SCN4A: variants seen among roughly 807,000 people sequenced by gnomAD.
The protein encoded by SCN4A is sodium channel protein type 4 subunit alpha.
In SCN4A, 83 loss-of-function variants were observed where a neutral mutation model predicts 162.0. The observed-to-expected ratio is 0.51, with a 90% CI of 0.43 to 0.61. The LOEUF (loss-of-function observed/expected upper bound fraction) is 0.61. SCN4A is among the 20% of genes least tolerant of loss of function. SCN4A has a pLI of 0.00. For missense variants in SCN4A, 2,196 were observed against 2,462.5 expected, an observed-to-expected ratio of 0.89 and a Z score of 2.29; for synonymous variants, 944 against 985.1, an observed-to-expected ratio of 0.96 and a Z score of 0.78.
chr17:63,971,387 C>G, intron 4 of SCN4A, 134 bp from the exon 5 acceptor site: 1 of 660,922 alleles, frequency 1.5e-6, no homozygotes, highest in Non-Finnish European at 2.7e-6. Flanking sequence ...GGGGGCAGGG[C>G]AGACACCCCC....
At chr17:63,943,209 T>C in intron 22 of SCN4A, 113 bp from the exon 23 acceptor site, 1 of 261,998 alleles carries the variant, frequency 3.8e-6, no homozygotes, top group Non-Finnish European at 5.7e-6. Flanking sequence ...ATGACAGAGA[T>C]GACAGAGAGA....
At chr17:63,961,755 C>T (rs1292698787) in intron 10 of SCN4A, 1 of 351,780 alleles carries the variant, frequency 2.8e-6, no homozygotes, top group Non-Finnish European at 5.3e-6. Context: ...CCCCCGCGTC[C>T]TCAGCGCTCC....
chr17:63,963,075 C>T (rs1909317082), intron 10 of SCN4A, among the ~76,000 whole-genome samples: 1 of 151,584 alleles, frequency 6.6e-6, no homozygotes, highest in Non-Finnish European at 1.5e-5. Flanking sequence ...TTCCCTCCCT[C>T]TCATCCATCC....
Position 63,972,123 on chromosome 17 carries a change from C to T in SCN4A, c.482+13G>A, listed in dbSNP as rs2144814267. On this transcript the variant is annotated intron_variant, in intron 3 of 23. Transcript: ENST00000435607. This position sits in a 1 kb window ranked among gnomAD's most constrained non-coding sequence, Gnocchi z 4.3. ...TCCCAGGGCTGGGGAGCTCAGGGAGCAGGGAGACTTACTCCACATTCTTGG... is the reference window on the plus strand; with the variant it reads ...TCCCAGGGCTGGGGAGCTCAGGGAGTAGGGAGACTTACTCCACATTCTTGG... 2 of 1,601,038 alleles carry T rather than the reference C, an allele frequency of 1.2e-6. No individual in the cohort carries two copies. The highest frequency in any genetic ancestry group is 2.2e-5 in the East Asian group (1 of 44,762).
At chr17:63,961,170 T>A (rs1283381151) in intron 11 of SCN4A, 23 bp downstream of exon 11, 84 of 1,015,892 alleles carry the variant, frequency 8.3e-5, no homozygotes, top group South Asian at 3.0e-4. Context: ...CCATGAATGA[T>A]CCCCTCCCCC....
chr17:63,951,999 TACC>T lies in SCN4A; in HGVS notation c.2377-102_2377-100del, dbSNP rs765167917. On this transcript the variant is annotated intron_variant, in intron 13 of 23. Coordinates refer to ENST00000435607, the MANE Select transcript of SCN4A (RefSeq NM_000334.4). This position sits in a 1 kb window ranked among gnomAD's most constrained non-coding sequence, Gnocchi z 4.5. The stretch of plus-strand genomic sequence containing the variant: ...GGGTCCTCGGTCTACAGATCCAAAC[TACC>T]ACATGTTGGGCATTTAAAAGAACGC... The T allele has an allele frequency of 1.5e-6, 1 of 677,398 alleles. No homozygotes were observed. Among genetic ancestry groups the T allele is most frequent in the Non-Finnish European group, 2.5e-6 (1 of 407,274 alleles). The allele number at this position is 677,398 out of a possible 1,614,324, so 42.0% of individuals were successfully genotyped here. A position where few individuals can be genotyped will look rare whatever the true frequency, so the allele number is the denominator to read the frequency against.
chr17:63,968,052 A>T lies in SCN4A; in HGVS notation c.1007T>A (p.Phe336Tyr). 1 of 1,613,868 alleles carries T rather than the reference A, an allele frequency of 6.2e-7. No homozygotes were observed. Among genetic ancestry groups the T allele is most frequent in the Non-Finnish European group, 8.5e-7 (1 of 1,179,874 alleles). ...SHASWATNDT[F>Y]DWDAYISDEG... ...ATCACTGATGTAGGCGTCCCAATCA[A>T]AGGTATCGTTGGTGGCCCAGCTTGC... is the stretch of plus-strand genomic sequence containing the variant. The change falls in exon 6 of 24, where the codon TTT becomes TAT. Residue 336 changes from phenylalanine (F) to tyrosine (Y), a missense_variant. Phe to Tyr is a conservative substitution (Grantham distance 22). Coordinates refer to ENST00000435607, the MANE Select transcript of SCN4A (RefSeq NM_000334.4).
At chr17:63,958,021 AAAAAG>A (rs1243488060) in intron 12 of SCN4A, among the ~76,000 whole-genome samples, 1 of 149,874 alleles carries the variant, frequency 6.7e-6, no homozygotes, top group Non-Finnish European at 1.5e-5. Context: ...AAAAAAAAAG[AAAAAG>A]AAAAAGAAAA....
At chr17:63,961,693 G>A (rs1909263083) in intron 10 of SCN4A, 2 of 501,054 alleles carry the variant, frequency 4.0e-6, no homozygotes, top group Admixed American at 6.6e-5. Context: ...GCCTCAGTGA[G>A]CACCCTCCAG....
In SCN4A at chr17:63,941,958, C is replaced by T. The variant is rs774452124; in HGVS notation, c.4324G>A (p.Val1442Met). 1.3e-5 allele frequency: 20 copies of T among 1,593,422 alleles called. No individual in the cohort carries two copies. The highest frequency in any genetic ancestry group is 1.5e-5 in the Non-Finnish European group (18 of 1,166,754). ...ALSDLIQKYF[V>M]SPTLFRVIRL... ...ATCACACGGAACAGCGTGGGTGACA[C>T]GAAGTACTTCTGGATCAGGTCAGAG... Residue 1442 changes from valine to methionine, a missense_variant, in exon 24 of 24, where the codon GTG becomes ATG. Physicochemically the swap from Val to Met is conservative, Grantham distance 21. Transcript: ENST00000435607. The surrounding 1 kb of genome is among the most constrained non-coding windows in gnomAD (Gnocchi z 6.2).
chr17:63,961,798 G>A (rs1415455486), intron 10 of SCN4A: 2 of 245,246 alleles, frequency 8.2e-6, no homozygotes, highest in Non-Finnish European at 1.5e-5. Context: ...ACCACTCACC[G>A]CATCACCCTC....
At position 63,945,202 on chromosome 17, in the gene SCN4A, C is replaced by T. The variant is rs997199272; in HGVS notation, c.3721-142G>A. 6.8e-6 allele frequency: 7 copies of T among 1,027,204 alleles called. No homozygotes were observed. The African/African-American group carries it at 1.1e-4, about 16-fold the overall frequency. The allele number at this position is 1,027,204 out of a possible 1,614,324, so 63.6% of individuals were successfully genotyped here. A position where few individuals can be genotyped will look rare whatever the true frequency, so the allele number is the denominator to read the frequency against. On this transcript the variant is annotated intron_variant, in intron 19 of 23. Transcript: ENST00000435607. The surrounding 1 kb of genome is among the most constrained non-coding windows in gnomAD (Gnocchi z 4.4). Reference sequence around the variant, plus strand: ...CCACTGGGCTAGCATCAAATAAAGACCAGAGAGGTCTAGACACTGCCTGGG... The same window carrying T: ...CCACTGGGCTAGCATCAAATAAAGATCAGAGAGGTCTAGACACTGCCTGGG...
At chr17:63,959,973 C>T (rs1039828690) in intron 11 of SCN4A, among the ~76,000 whole-genome samples, 2 of 152,248 alleles carry the variant, frequency 1.3e-5, no homozygotes, top group African/African-American at 4.8e-5. Flanking sequence ...ACAGGGACCA[C>T]TCCCAGGATC....
Position 63,945,557 on chromosome 17 carries a change from T to C in SCN4A, c.3523A>G (p.Ser1175Gly). ...GCAAACAGGTTGACACCCATGATGC[T>C]GAAGATCAGCCAGAAGATGAGGCAG... ...LVCLIFWLIF[S>G]IMGVNLFAGK... is the part of the protein sequence containing the mutation. Residue 1175 changes from serine (S) to glycine (G), a missense_variant, in exon 19 of 24, where the codon AGC becomes GGC. Transcript: ENST00000435607. The surrounding 1 kb of genome is among the most constrained non-coding windows in gnomAD (Gnocchi z 4.4). The C allele has an allele frequency of 6.2e-7, 1 of 1,613,912 alleles. No homozygotes were observed. The highest frequency in any genetic ancestry group is 8.5e-7 in the Non-Finnish European group (1 of 1,179,880).
At chr17:63,960,261 G>A (rs1909203643) in intron 11 of SCN4A, among the ~76,000 whole-genome samples, 1 of 152,234 alleles carries the variant, frequency 6.6e-6, no homozygotes, top group Non-Finnish European at 1.5e-5. Flanking sequence ...GGGCAAGCGG[G>A]CAGGCCCGGT....
Position 63,972,669 on chromosome 17 carries a change from A to G in SCN4A, c.173T>C (p.Leu58Ser). ...EEPERKPRSD[L>S]EAGKNLPMIY... The stretch of plus-strand genomic sequence containing the variant: ...CATGGGTAGGTTCTTGCCAGCCTCC[A>G]AGTCACTTCGTGGCTTCCGTTCGGG... Residue 58 changes from leucine (L) to serine (S), a missense_variant, in exon 1 of 24, where the codon TTG becomes TCG. Transcript: ENST00000435607. This position sits in a 1 kb window ranked among gnomAD's most constrained non-coding sequence, Gnocchi z 4.3. 6.2e-7 allele frequency: 1 copy of G among 1,613,426 alleles called. No individual in the cohort carries two copies. The highest frequency in any genetic ancestry group is 8.5e-7 in the Non-Finnish European group (1 of 1,179,646).
At position 63,945,250 on chromosome 17, in the gene SCN4A, G is replaced by T; in HGVS notation, c.3720+110C>A. 9.4e-7 allele frequency: 1 copy of T among 1,059,048 alleles called. No homozygotes were observed. The highest frequency in any genetic ancestry group is 1.4e-6 in the Non-Finnish European group (1 of 711,732). The allele number at this position is 1,059,048 out of a possible 1,614,324, so 65.6% of individuals were successfully genotyped here. On this transcript the variant is annotated intron_variant, in intron 19 of 23. Coordinates refer to ENST00000435607, the MANE Select transcript of SCN4A (RefSeq NM_000334.4). The surrounding 1 kb of genome is among the most constrained non-coding windows in gnomAD (Gnocchi z 4.4). Reference sequence around the variant, plus strand: ...GGGGATCCCACAGCATTGGAAGCAGGGTGGGCGGTCCCCTAACCAGGAGTG... The same window carrying T: ...GGGGATCCCACAGCATTGGAAGCAGTGTGGGCGGTCCCCTAACCAGGAGTG...
Position 63,941,161 on chromosome 17 carries a change from T to G in SCN4A, c.5121A>C (p.Ala1707=). ...CGTAGGACACCTTGGAGGGGTTGGC[T>G]GCCATGAACTTCTCCTCCATGGTCT... The part of the protein sequence containing the change: ...LKQTMEEKFM[A]ANPSKVSYEP... The change falls in exon 24 of 24, where the codon GCA becomes GCC. Residue 1707 remains alanine, a synonymous_variant. Coordinates refer to ENST00000435607, the MANE Select transcript of SCN4A (RefSeq NM_000334.4). The surrounding 1 kb of genome is among the most constrained non-coding windows in gnomAD (Gnocchi z 6.2). 1 of 1,613,802 alleles carries G rather than the reference T, an allele frequency of 6.2e-7. No homozygotes were observed. Among genetic ancestry groups the G allele is most frequent in the Non-Finnish European group, 8.5e-7 (1 of 1,179,842 alleles).
At chr17:63,955,483 ATTTTCATCCCCG>A (rs1909046347) in intron 13 of SCN4A, among the ~76,000 whole-genome samples, 1 of 152,056 alleles carries the variant, frequency 6.6e-6, no homozygotes, top group South Asian at 2.1e-4. Flanking sequence ...AGTCATCCCC[ATTTTCATCCCCG>A]TTTTCCAGAT....
Sources: allele counts gnomAD v4.1 joint callset (sites outside exome capture counted in the v4.1 genomes callset), GRCh38; gene constraint gnomAD v4.1.1; non-coding constraint Gnocchi (gnomAD v3.1); transcripts MANE v1.5; gene names NCBI Gene and HGNC (gene_info 2026-07-23, HGNC 2026-07-21).